Variants in CCSER1 observed in about 807,000 individuals in gnomAD.
The protein encoded by CCSER1 is coiled-coil serine rich protein 1, also known as serine-rich coiled-coil domain-containing protein 1.
A neutral mutation model predicts 82.0 loss-of-function variants in CCSER1; 41 were observed. The ratio of observed to expected loss-of-function variants is 0.50; its 90% CI spans 0.39 to 0.65. The LOEUF is 0.65. Ranked by LOEUF, CCSER1 falls within the 30% of genes least tolerant of loss-of-function variation. The probability of loss-of-function intolerance (pLI) is 0.00; values close to 1 mark genes in which losing one functional copy is unlikely to be tolerated. For missense variants in CCSER1, 1,119 were observed against 1,064.2 expected, an observed-to-expected ratio of 1.05 and a Z score of -0.72; for synonymous variants, 414 against 383.9, an observed-to-expected ratio of 1.08 and a Z score of -0.92.
chr4:90,407,709 G>A (rs919752162), intron 4 of CCSER1, among the ~76,000 whole-genome samples: 28 of 152,168 alleles, frequency 1.8e-4, no homozygotes, highest in African/African-American at 5.3e-4. Flanking sequence ...CAGCGTGAGC[G>A]ACGCAGAAGA....
chr4:90,143,010 A>G (rs1487483736), intron 1 of CCSER1, among the ~76,000 whole-genome samples: 1 of 152,202 alleles, frequency 6.6e-6, no homozygotes, highest in African/African-American at 2.4e-5. Context: ...TTTAATATCC[A>G]CTATTTGTCA....
intron 3 of CCSER1, among the ~76,000 whole-genome samples, chr4:90,360,896 T>C (rs1484663629): frequency 6.6e-6 from 1 of 152,214 alleles, no homozygotes; most frequent in Non-Finnish European, 1.5e-5. Context: ...TAGTTTATTT[T>C]ATAGTGCACA....
intron 7 of CCSER1, among the ~76,000 whole-genome samples, chr4:90,776,503 C>A (rs755809353): frequency 1.3e-5 from 2 of 152,162 alleles, no homozygotes; most frequent in African/African-American, 2.4e-5. Flanking sequence ...TAATTAATGT[C>A]ACCTATTAAG....
At chr4:90,330,271 G>C (rs1256869890) in intron 3 of CCSER1, among the ~76,000 whole-genome samples, 1 of 152,126 alleles carries the variant, frequency 6.6e-6, no homozygotes, top group Admixed American at 6.5e-5. Context: ...AGGGTAACCA[G>C]CTGTCAGATA....
At chr4:90,353,732 G>T (rs1337089979) in intron 3 of CCSER1, among the ~76,000 whole-genome samples, 2 of 152,134 alleles carry the variant, frequency 1.3e-5, no homozygotes, top group Non-Finnish European at 1.5e-5. Flanking sequence ...AATATCCACT[G>T]CAGGAAAGCA....
chr4:90,692,635 A>C (rs907803580), intron 6 of CCSER1, among the ~76,000 whole-genome samples: 1 of 151,928 alleles, frequency 6.6e-6, no homozygotes, highest in East Asian at 1.9e-4. Flanking sequence ...ATTCTACTTC[A>C]TGAACGACCA....
At chr4:91,320,546 G>T (rs1446853746) in intron 10 of CCSER1, among the ~76,000 whole-genome samples, 1 of 152,022 alleles carries the variant, frequency 6.6e-6, no homozygotes, top group Non-Finnish European at 1.5e-5. Flanking sequence ...GATAACATGT[G>T]CTGTTGGTTC....
chr4:91,151,048 C>A (rs1308453885), intron 10 of CCSER1, among the ~76,000 whole-genome samples: 2 of 152,140 alleles, frequency 1.3e-5, no homozygotes, highest in Admixed American at 6.5e-5. Context: ...GGAATGGTAG[C>A]AGCTCCTCTT....
chr4:90,140,706 C>G (rs1400407934), intron 1 of CCSER1, among the ~76,000 whole-genome samples: 1 of 123,012 alleles, frequency 8.1e-6, no homozygotes, highest in East Asian at 2.3e-4. Context: ...TGCTCTGTTG[C>G]CAGGCTAGAG....
At chr4:90,972,846 G>T (rs753688938) in intron 9 of CCSER1, among the ~76,000 whole-genome samples, 1 of 151,692 alleles carries the variant, frequency 6.6e-6, no homozygotes, top group Non-Finnish European at 1.5e-5. Context: ...GAGTGCAGAG[G>T]TAATTCTCCA....
chr4:90,852,030 A>G (rs959216687), intron 8 of CCSER1, among the ~76,000 whole-genome samples: 2 of 152,258 alleles, frequency 1.3e-5, no homozygotes, highest in African/African-American at 4.8e-5. Flanking sequence ...TAATTTGAAC[A>G]GGAAAAGTTT....
chr4:91,301,244 A>G (rs1422826200), intron 10 of CCSER1, among the ~76,000 whole-genome samples: 1 of 151,860 alleles, frequency 6.6e-6, no homozygotes, highest in Non-Finnish European at 1.5e-5. Flanking sequence ...CTCCTTTTAT[A>G]TAAACAGTAT....
At chr4:91,035,837 C>T (rs916265765) in intron 9 of CCSER1, among the ~76,000 whole-genome samples, 9 of 152,254 alleles carry the variant, frequency 5.9e-5, no homozygotes, top group African/African-American at 1.9e-4. Context: ...CTGATTACAA[C>T]TCACTCCTAA....
intron 10 of CCSER1, among the ~76,000 whole-genome samples, chr4:91,199,438 G>A (rs1432532690): frequency 1.3e-5 from 2 of 152,116 alleles, no homozygotes; most frequent in African/African-American, 4.8e-5. Flanking sequence ...TCAAGAAAGT[G>A]TTAATTCTTA....
chr4:90,628,221 G>A lies in CCSER1; in HGVS notation c.1921G>A (p.Val641Ile). The A allele has an allele frequency of 6.2e-7, 1 of 1,611,016 alleles. No homozygotes were observed. Among genetic ancestry groups the A allele is most frequent in the African/African-American group, 1.3e-5 (1 of 74,976 alleles). Residue 641 changes from valine (V) to isoleucine (I), a missense_variant, in exon 6 of 11, where the codon GTT becomes ATT. Physicochemically the swap from Val to Ile is conservative, Grantham distance 29. Coordinates refer to ENST00000509176, the MANE Select transcript of CCSER1 (RefSeq NM_001145065.2). Reference sequence around the variant, plus strand: ...GACGTTATTATTAAAGATGAAGAGAGTTCTTCAAGAGGTAATGGTTTCCTC... The same window carrying A: ...GACGTTATTATTAAAGATGAAGAGAATTCTTCAAGAGGTAATGGTTTCCTC... ...VKTLLLKMKR[V>I]LQESADMSPA...
chr4:91,042,321 C>T (rs1742030615), intron 9 of CCSER1, among the ~76,000 whole-genome samples: 1 of 152,142 alleles, frequency 6.6e-6, no homozygotes, highest in Admixed American at 6.6e-5. Flanking sequence ...GCCTTCATTC[C>T]CCTTCTACCA....
chr4:91,304,272 CA>C (rs1205946967), intron 10 of CCSER1, among the ~76,000 whole-genome samples: 3 of 151,706 alleles, frequency 2.0e-5, no homozygotes, highest in African/African-American at 7.3e-5. Flanking sequence ...AACAAAACCA[CA>C]AAAAAATCTA....
At chr4:90,696,517 A>G (rs1452374213) in intron 6 of CCSER1, among the ~76,000 whole-genome samples, 2 of 152,134 alleles carry the variant, frequency 1.3e-5, no homozygotes, top group Admixed American at 6.6e-5. Flanking sequence ...TCTAAATTCA[A>G]CTGTATGACA....
intron 10 of CCSER1, among the ~76,000 whole-genome samples, chr4:91,136,912 A>G (rs544298112): frequency 6.6e-6 from 1 of 152,286 alleles, no homozygotes; most frequent in African/African-American, 2.4e-5. Flanking sequence ...TTTATAATAT[A>G]AAAATTTAAA....
Sources: allele counts gnomAD v4.1 joint callset (sites outside exome capture counted in the v4.1 genomes callset), GRCh38; gene constraint gnomAD v4.1.1; transcripts MANE v1.5; gene names NCBI Gene and HGNC (gene_info 2026-07-23, HGNC 2026-07-21).